The following DCLK2 variants were observed in gnomAD, a reference collection of about 807,000 sequenced individuals.
DCLK2 encodes doublecortin like kinase 2.
In DCLK2, 31 loss-of-function variants were observed where a neutral mutation model predicts 78.4. That is an observed-to-expected ratio of 0.40 (90% CI 0.30 to 0.53). DCLK2 has a LOEUF of 0.53. Among genes scored for constraint, DCLK2 ranks in the 20% least tolerant of loss-of-function variants. The probability of loss-of-function intolerance (pLI) is 0.61; values close to 1 mark genes in which losing one functional copy is unlikely to be tolerated. For synonymous variants in DCLK2, 407 were observed against 374.9 expected (o/e 1.09, Z -0.99); for missense variants, 872 against 973.7 (o/e 0.90, Z 1.39).
At chr4:150,081,356 T>C (rs1369103067) in intron 1 of DCLK2, among the ~76,000 whole-genome samples, 3 of 152,214 alleles carry the variant, frequency 2.0e-5, no homozygotes, top group African/African-American at 7.2e-5. Context: ...GTCCACTGGG[T>C]CTACTTCTGC....
At chr4:150,116,968 GA>G (rs199843723) in intron 2 of DCLK2, among the ~76,000 whole-genome samples, 1 of 152,294 alleles carries the variant, frequency 6.6e-6, no homozygotes, top group African/African-American at 2.4e-5. Context: ...ATCCAGGGGA[GA>G]TACTCTGGTG....
intron 2 of DCLK2, among the ~76,000 whole-genome samples, chr4:150,185,109 A>G (rs1257477580): frequency 2.0e-5 from 3 of 152,326 alleles, no homozygotes; most frequent in Admixed American, 1.3e-4. Flanking sequence ...AAAGAGGTTT[A>G]ATTGACTCAC....
intron 1 of DCLK2, among the ~76,000 whole-genome samples, chr4:150,091,727 A>G (rs1400692891): frequency 4.0e-5 from 6 of 151,790 alleles, no homozygotes; most frequent in African/African-American, 1.5e-4. Context: ...ATTTCCACCT[A>G]CATAAGATTC....
chr4:150,138,186 A>G (rs941393640), intron 2 of DCLK2, among the ~76,000 whole-genome samples: 2 of 152,240 alleles, frequency 1.3e-5, no homozygotes, highest in Non-Finnish European at 2.9e-5. Flanking sequence ...TAGTTTTGCT[A>G]AGAACATAGA....
intron 2 of DCLK2, among the ~76,000 whole-genome samples, chr4:150,121,382 A>G (rs1317463842): frequency 6.6e-6 from 1 of 152,246 alleles, no homozygotes. Flanking sequence ...CTATTCCAGG[A>G]GTAGATTCCA....
chr4:150,237,190 C>A (rs566460786), intron 10 of DCLK2, among the ~76,000 whole-genome samples: 1 of 152,004 alleles, frequency 6.6e-6, no homozygotes, highest in Non-Finnish European at 1.5e-5. Flanking sequence ...TAGGAAATTT[C>A]TTTCCAAAGT....
chr4:150,193,098 T>C (rs755420145), intron 2 of DCLK2, 40 bp from the exon 3 acceptor site: 25 of 1,221,676 alleles, frequency 2.0e-5, no homozygotes, highest in Middle Eastern at 1.9e-4. Context: ...TCACTTCTAA[T>C]GTGTCTAATT....
At chr4:150,199,858 T>A (rs1417107545) in intron 4 of DCLK2, among the ~76,000 whole-genome samples, 1 of 152,162 alleles carries the variant, frequency 6.6e-6, no homozygotes. Flanking sequence ...AATAATTAAA[T>A]AGCTGGGCAC....
At chr4:150,163,671 A>G (rs1439358285) in intron 2 of DCLK2, among the ~76,000 whole-genome samples, 1 of 152,220 alleles carries the variant, frequency 6.6e-6, no homozygotes, top group Non-Finnish European at 1.5e-5. Context: ...AGAACTCAGT[A>G]AGAACTCAGT....
At chr4:150,156,345 G>A (rs1292823832) in intron 2 of DCLK2, among the ~76,000 whole-genome samples, 1 of 152,066 alleles carries the variant, frequency 6.6e-6, no homozygotes. Flanking sequence ...GAAGGAAGGT[G>A]TAAAGAGCAG....
At position 150,223,743 on chromosome 4, in the gene DCLK2, C is replaced by CAATAAATAAATAAATAAATA. The variant is rs59076501; in HGVS notation, c.1242-744_1242-725dup. Among the ~76,000 whole-genome samples, 475 of 146,952 alleles carry CAATAAATAAATAAATAAATA rather than the reference C, an allele frequency of 3.2e-3. 3 individuals are homozygous for CAATAAATAAATAAATAAATA. Among genetic ancestry groups the CAATAAATAAATAAATAAATA allele is most frequent in the African/African-American group, 0.011 (443 of 39,976 alleles). On this transcript the variant is annotated intron_variant, in intron 7 of 15. Coordinates refer to ENST00000296550, the MANE Select transcript of DCLK2 (RefSeq NM_001040260.4). ...TGGCTGACAGAGCAAGACTCTCTCT[C>CAATAAATAAATAAATAAATA]AATAAATAAATAAATAAATAAATAA...
Position 150,175,195 on chromosome 4 carries a change from C to A in DCLK2, c.757-17943C>A, listed in dbSNP as rs1157451089. On this transcript the variant is annotated intron_variant, in intron 2 of 15. Transcript: ENST00000296550. Reference sequence around the variant, plus strand: ...ATATTTATATATATTTATAATTTATCTATATATATTTATATATATTTATCT... The same window carrying A: ...ATATTTATATATATTTATAATTTATATATATATATTTATATATATTTATCT... Among the ~76,000 whole-genome samples, 139 of 81,130 alleles carry A rather than the reference C, an allele frequency of 1.7e-3. 2 individuals carry two copies. Among genetic ancestry groups the A allele is most frequent in the African/African-American group, 6.0e-3 (103 of 17,142 alleles). The allele number at this position is 81,130 out of a possible 152,430, so 53.2% of individuals were successfully genotyped here.
chr4:150,204,745 A>T (rs1739717304), intron 5 of DCLK2, among the ~76,000 whole-genome samples: 1 of 152,142 alleles, frequency 6.6e-6, no homozygotes, highest in South Asian at 2.1e-4. Context: ...TACAAAAATT[A>T]GCCGGGCCTG....
chr4:150,220,970 A>G (rs1171199056), intron 6 of DCLK2, among the ~76,000 whole-genome samples, 192 bp downstream of exon 6: 1 of 152,258 alleles, frequency 6.6e-6, no homozygotes, highest in Non-Finnish European at 1.5e-5. Context: ...TCTCATTGTC[A>G]TTAACTAGGT....
intron 2 of DCLK2, among the ~76,000 whole-genome samples, chr4:150,125,428 G>A (rs1176356353): frequency 6.6e-6 from 1 of 152,098 alleles, no homozygotes; most frequent in African/African-American, 2.4e-5. Context: ...ACCCTCAAAT[G>A]ATGAAGAGTG....
At chr4:150,088,185 G>A (rs1729777097) in intron 1 of DCLK2, among the ~76,000 whole-genome samples, 1 of 152,100 alleles carries the variant, frequency 6.6e-6, no homozygotes, top group Admixed American at 6.6e-5. Context: ...CAAGAAAAAA[G>A]GCGTTCTAGA....
chr4:150,094,383 A>G (rs1730314362), intron 1 of DCLK2, among the ~76,000 whole-genome samples: 1 of 152,214 alleles, frequency 6.6e-6, no homozygotes, highest in South Asian at 2.1e-4. Context: ...AAAAAAGAGT[A>G]TGTAAATACA....
At chr4:150,136,315 G>T (rs931196751) in intron 2 of DCLK2, among the ~76,000 whole-genome samples, 2 of 152,186 alleles carry the variant, frequency 1.3e-5, no homozygotes, top group Admixed American at 6.5e-5. Flanking sequence ...GGGCTGCAGT[G>T]GCAGAAGAAT....
rs1415299871 is a variant in DCLK2, at chr4:150,249,665, C to G, written c.2054C>G (p.Thr685Ser). The G allele has an allele frequency of 6.2e-7, 1 of 1,613,576 alleles. No homozygotes were observed. Among genetic ancestry groups the G allele is most frequent in the Non-Finnish European group, 8.5e-7 (1 of 1,179,912 alleles). The change falls in exon 15 of 16, where the codon ACC becomes AGC. Residue 685 changes from threonine (T) to serine (S), a missense_variant. Around this residue, in one of 3 missense-constraint regions of DCLK2, gnomAD observed 219 missense variants for 230.1 expected, o/e 0.95. Coordinates refer to ENST00000296550, the MANE Select transcript of DCLK2 (RefSeq NM_001040260.4). Reference sequence around the variant, plus strand: ...CTCCCCAAACAGAACAGCACTACCACCGGGGTCTCCGTCATCATGGTGAGT... The same window carrying G: ...CTCCCCAAACAGAACAGCACTACCAGCGGGGTCTCCGTCATCATGGTGAGT... Reference protein sequence around the residue: ...NALPKQNSTTTGVSVIMNTAL... With the variant: ...NALPKQNSTTSGVSVIMNTAL...
Sources: gnomAD v4.1 joint callset for allele counts (sites outside exome capture counted in the v4.1 genomes callset) on GRCh38, gnomAD v4.1.1 for gene constraint, gnomAD v4.1.1 regional missense constraint, MANE v1.5 for transcripts, NCBI Gene and HGNC (gene_info 2026-07-23, HGNC 2026-07-21) for gene names.